The following HSD17B3 variants were observed in gnomAD, a reference collection of about 807,000 sequenced individuals.
HSD17B3 encodes hydroxysteroid 17-beta dehydrogenase 3.
A neutral mutation model predicts 41.1 loss-of-function variants in HSD17B3; 29 were observed. That is an observed-to-expected ratio of 0.71 (90% CI 0.53 to 0.96). The LOEUF (loss-of-function observed/expected upper bound fraction) is 0.96. HSD17B3 is among the 40% of genes least tolerant of loss of function. The probability of loss-of-function intolerance (pLI) is 0.00; values close to 1 mark genes in which losing one functional copy is unlikely to be tolerated. For synonymous variants in HSD17B3, 126 were observed against 145.6 expected (o/e 0.87, Z 0.97); for missense variants, 323 against 374.6 (o/e 0.86, Z 1.14).
Position 96,302,039 on chromosome 9 carries a change from C to CG in HSD17B3, c.65dup (p.Lys23GlufsTer57). 1 of 1,614,128 alleles carries CG rather than the reference C, an allele frequency of 6.2e-7. No individual in the cohort carries two copies. Among genetic ancestry groups the CG allele is most frequent in the South Asian group, 1.1e-5 (1 of 91,078 alleles). ...CACATCTGGAGAATCTCACGCACTT[C>CG]GCCAGGCAGGCCAGGCACACCAGCA... On this transcript the variant is annotated frameshift_variant, in exon 1 of 11. Transcript: ENST00000375263. LOFTEE classifies it high-confidence loss of function.
At chr9:96,264,432 A>C (rs73545327) in intron 2 of HSD17B3, among the ~76,000 whole-genome samples, 3,940 of 151,578 alleles carry the variant, frequency 0.026, 165 homozygotes, top group African/African-American at 0.088. Flanking sequence ...GAGGAGGAAG[A>C]AAAAAAAAGT....
At chr9:96,298,822 C>T (rs532838393) in intron 1 of HSD17B3, among the ~76,000 whole-genome samples, 1 of 152,268 alleles carries the variant, frequency 6.6e-6, no homozygotes, top group Admixed American at 6.5e-5. Flanking sequence ...GCCTTCACCC[C>T]ACAAGGGCAG....
chr9:96,276,627 A>G (rs4551481), intron 2 of HSD17B3, among the ~76,000 whole-genome samples: 78,478 of 152,024 alleles, frequency 0.52, 20,531 homozygotes, highest in East Asian at 0.68. Context: ...CTGATTTTTA[A>G]CAAAGGTGGC....
chr9:96,280,634 G>C (rs745938915), intron 2 of HSD17B3, among the ~76,000 whole-genome samples: 1 of 152,186 alleles, frequency 6.6e-6, no homozygotes, highest in Non-Finnish European at 1.5e-5. Context: ...AGAGGTATTT[G>C]AGCCACAGCA....
At chr9:96,299,914 C>T (rs755679585) in intron 1 of HSD17B3, among the ~76,000 whole-genome samples, 66 of 152,236 alleles carry the variant, frequency 4.3e-4, no homozygotes, top group Non-Finnish European at 7.6e-4. Context: ...ACATATTTTA[C>T]TCCTGCTAGA....
intron 1 of HSD17B3, among the ~76,000 whole-genome samples, chr9:96,301,138 T>A (rs1411000111): frequency 6.6e-6 from 1 of 152,226 alleles, no homozygotes; most frequent in Non-Finnish European, 1.5e-5. Context: ...TCTGCCCTAG[T>A]GTTCCCCTAA....
intron 2 of HSD17B3, among the ~76,000 whole-genome samples, chr9:96,292,703 C>T (rs910917847): frequency 5.9e-5 from 9 of 152,038 alleles, no homozygotes; most frequent in African/African-American, 1.9e-4. Context: ...AAACCCCAAA[C>T]GGGTAAAACC....
Position 96,254,070 on chromosome 9 carries a change from T to C in HSD17B3, c.277+798A>G, listed in dbSNP as rs1326145405. ...TTTGAGTTAAAGAGTTTGTTAATTA[T>C]TAAATTGATAATTATTAAAATTCAA... On this transcript the variant is annotated intron_variant, in intron 3 of 10. Transcript: ENST00000375263. 3.9e-5 allele frequency among the ~76,000 whole-genome samples: 6 copies of C among 152,196 alleles called. No individual in the cohort carries two copies. The East Asian group carries it at 1.2e-3, about 29-fold the overall frequency.
chr9:96,252,950 C>A, intron 3 of HSD17B3, 40 bp from the exon 4 acceptor site: 1 of 1,241,704 alleles, frequency 8.1e-7, no homozygotes, highest in Non-Finnish European at 1.2e-6. Context: ...AACAGGGATC[C>A]AAATGCCCCC....
intron 2 of HSD17B3, among the ~76,000 whole-genome samples, chr9:96,270,277 G>C (rs1015466798): frequency 1.3e-4 from 19 of 151,858 alleles, no homozygotes; most frequent in African/African-American, 2.2e-4. Context: ...CACAGAGAGA[G>C]AGAGAGAGAG....
chr9:96,293,508 T>G (rs559387995), intron 2 of HSD17B3, among the ~76,000 whole-genome samples: 15 of 142,250 alleles, frequency 1.1e-4, no homozygotes, highest in East Asian at 1.9e-4. Context: ...TTCAAATAAA[T>G]CAACCTTTCT....
intron 2 of HSD17B3, among the ~76,000 whole-genome samples, chr9:96,273,514 T>A (rs548216929): frequency 6.6e-6 from 1 of 152,190 alleles, no homozygotes; most frequent in Non-Finnish European, 1.5e-5. Flanking sequence ...ACCACAGACA[T>A]CTGCCTCTTT....
chr9:96,238,972 T>C (rs529183105), intron 10 of HSD17B3, among the ~76,000 whole-genome samples: 1 of 152,316 alleles, frequency 6.6e-6, no homozygotes, highest in South Asian at 2.1e-4. Context: ...GGTGCTGATG[T>C]AGAGATAGCA....
At chr9:96,242,276 A>G (rs1315147641) in intron 9 of HSD17B3, among the ~76,000 whole-genome samples, 2 of 152,240 alleles carry the variant, frequency 1.3e-5, no homozygotes, top group Non-Finnish European at 2.9e-5. Context: ...AAGTAATGAT[A>G]AGTATTTTCA....
chr9:96,279,944 C>T (rs10990201), intron 2 of HSD17B3, among the ~76,000 whole-genome samples: 73,255 of 151,854 alleles, frequency 0.48, 18,565 homozygotes, highest in East Asian at 0.67. Context: ...TAATTTTTTG[C>T]ATTTTCAGTA....
At chr9:96,301,572 G>A (rs8190487) in intron 1 of HSD17B3, among the ~76,000 whole-genome samples, 4,762 of 151,180 alleles carry the variant, frequency 0.031, 162 homozygotes, top group African/African-American at 0.076. Flanking sequence ...TTAGCCAGCC[G>A]TAGTAGTGTG....
chr9:96,292,187 C>T (rs1172000027), intron 2 of HSD17B3, among the ~76,000 whole-genome samples: 2 of 151,702 alleles, frequency 1.3e-5, no homozygotes, highest in Non-Finnish European at 2.9e-5. Context: ...AAAGCAATTA[C>T]CCAATATAAG....
intron 2 of HSD17B3, among the ~76,000 whole-genome samples, chr9:96,277,835 G>GCGCA (rs1450902519): frequency 1.5e-4 from 22 of 146,034 alleles, no homozygotes; most frequent in African/African-American, 5.3e-4. Context: ...GGAAAATGTG[G>GCGCA]CACACACACA....
chr9:96,298,229 T>C (rs369291427), intron 2 of HSD17B3, among the ~76,000 whole-genome samples, 187 bp downstream of exon 2: 15 of 152,266 alleles, frequency 9.9e-5, no homozygotes, highest in South Asian at 8.3e-4. Flanking sequence ...TTGAATATCA[T>C]TGTGTTTAAA....
Sources: allele counts gnomAD v4.1 joint callset (sites outside exome capture counted in the v4.1 genomes callset), GRCh38; gene constraint gnomAD v4.1.1; transcripts MANE v1.5; gene names NCBI Gene and HGNC (gene_info 2026-07-23, HGNC 2026-07-21).